Variants in MAP7 observed in about 807,000 individuals in gnomAD.
The protein encoded by MAP7 is ensconsin.
Under a neutral mutation model 94.8 loss-of-function variants are expected in MAP7, and 52 were observed. The ratio of observed to expected loss-of-function variants is 0.55; its 90% CI spans 0.44 to 0.69. The LOEUF (loss-of-function observed/expected upper bound fraction) is 0.69. MAP7 is among the 30% of genes least tolerant of loss of function. The probability of loss-of-function intolerance (pLI) is 0.00; values close to 1 mark genes in which losing one functional copy is unlikely to be tolerated. For synonymous variants in MAP7, 350 were observed against 357.0 expected (o/e 0.98, Z 0.22); for missense variants, 940 against 964.6 (o/e 0.97, Z 0.34).
At chr6:136,461,313 A>G (rs1250869051) in intron 1 of MAP7, among the ~76,000 whole-genome samples, 1 of 152,202 alleles carries the variant, frequency 6.6e-6, no homozygotes, top group Admixed American at 6.5e-5. Context: ...CTGAAACATT[A>G]TTACTGAATA....
chr6:136,443,197 T>G (rs931005811), intron 1 of MAP7, among the ~76,000 whole-genome samples: 1 of 152,172 alleles, frequency 6.6e-6, no homozygotes, highest in African/African-American at 2.4e-5. Context: ...AACTGTAATA[T>G]GATAAGAAAA....
intron 1 of MAP7, among the ~76,000 whole-genome samples, chr6:136,541,382 T>A (rs1337472226): frequency 6.6e-6 from 1 of 152,228 alleles, no homozygotes; most frequent in Non-Finnish European, 1.5e-5. Flanking sequence ...ACTCAGAGGT[T>A]ATGCCATAGT....
At chr6:136,442,401 T>A (rs1446530147) in intron 1 of MAP7, among the ~76,000 whole-genome samples, 2 of 66,128 alleles carry the variant, frequency 3.0e-5, no homozygotes, top group African/African-American at 9.5e-5. Context: ...TAAGACTCTG[T>A]CTCCAAAAAA....
At chr6:136,470,278 G>A (rs1421945483) in intron 1 of MAP7, among the ~76,000 whole-genome samples, 1 of 151,930 alleles carries the variant, frequency 6.6e-6, no homozygotes, top group Non-Finnish European at 1.5e-5. Context: ...AGAATTCCAT[G>A]AGGTTATGAA....
intron 1 of MAP7, among the ~76,000 whole-genome samples, chr6:136,509,040 A>G (rs987605212): frequency 2.0e-5 from 3 of 152,224 alleles, no homozygotes; most frequent in Non-Finnish European, 4.4e-5. Context: ...AAAGATATAG[A>G]CCAGTAATTA....
intron 1 of MAP7, among the ~76,000 whole-genome samples, chr6:136,522,526 C>G (rs1826687570): frequency 6.6e-6 from 1 of 152,082 alleles, no homozygotes; most frequent in African/African-American, 2.4e-5. Flanking sequence ...TAATCCTGAA[C>G]AGAAACATTC....
In MAP7 at chr6:136,513,714, A is replaced by G. The variant is rs115496252; in HGVS notation, c.67+36628T>C. ...TGGCAGAGCACCTCAATGTGTACTC[A>G]GAAGTGGCCAACCCAGAGATCCATT... On this transcript the variant is annotated intron_variant, in intron 1 of 17. Transcript: ENST00000354570. Among the ~76,000 whole-genome samples the G allele has an allele frequency of 6.1e-3, 932 of 152,288 alleles. 7 individuals carry two copies. The highest frequency in any genetic ancestry group is 0.022 in the African/African-American group (897 of 41,546).
intron 1 of MAP7, among the ~76,000 whole-genome samples, chr6:136,489,518 T>C (rs1276160467): frequency 6.8e-6 from 1 of 147,290 alleles, no homozygotes. Flanking sequence ...CTCTGTAACA[T>C]CAGGTTTCTT....
chr6:136,468,282 G>A (rs970756578), intron 1 of MAP7, among the ~76,000 whole-genome samples: 1 of 151,936 alleles, frequency 6.6e-6, no homozygotes, highest in African/African-American at 2.4e-5. Flanking sequence ...GAAATTTATT[G>A]ATCATCTATT....
In MAP7 at chr6:136,343,710, T is replaced by C. The variant is rs1377630706; in HGVS notation, c.*518A>G. 1 of 152,222 alleles carries C rather than the reference T, an allele frequency of 6.6e-6. No individual in the cohort carries two copies. The highest frequency in any genetic ancestry group is 1.5e-5 in the Non-Finnish European group (1 of 68,042). 9.4% of individuals were successfully genotyped at this position (152,222 alleles called of 1,614,324 possible). On this transcript the variant is annotated 3_prime_UTR_variant, in exon 18 of 18. Transcript: ENST00000354570. ...TGTACAAGCTGTATTTATAAGAACC[T>C]GGTAATCTGCCTATAATTTGCTTCT...
At chr6:136,459,916 A>G (rs1458354463) in intron 1 of MAP7, among the ~76,000 whole-genome samples, 1 of 152,202 alleles carries the variant, frequency 6.6e-6, no homozygotes, top group African/African-American at 2.4e-5. Flanking sequence ...ACCACAATGA[A>G]CAAAACAGAG....
At chr6:136,364,259 T>A in intron 10 of MAP7, 1 of 541,196 alleles carries the variant, frequency 1.8e-6, no homozygotes, top group South Asian at 1.4e-5. Flanking sequence ...ATGTTGAACC[T>A]TTTTGGACTG....
intron 2 of MAP7, among the ~76,000 whole-genome samples, chr6:136,411,974 T>C (rs189835927): frequency 4.5e-4 from 68 of 152,320 alleles, no homozygotes; most frequent in Non-Finnish European, 8.4e-4. Flanking sequence ...TAAATGATGT[T>C]TTGTGTTCCT....
chr6:136,361,268 T>A, intron 11 of MAP7, 89 bp from the exon 12 acceptor site: 1 of 1,374,076 alleles, frequency 7.3e-7, no homozygotes, highest in South Asian at 1.2e-5. Context: ...TGTAGGGCGG[T>A]TCCTTTAGGC....
At chr6:136,380,833 CCCTTGGCTTT>C (rs1777535502) in intron 6 of MAP7, among the ~76,000 whole-genome samples, 1 of 152,198 alleles carries the variant, frequency 6.6e-6, no homozygotes, top group Non-Finnish European at 1.5e-5. Flanking sequence ...TGACTGGCTT[CCCTTGGCTTT>C]GGAGGGCCCG....
intron 1 of MAP7, among the ~76,000 whole-genome samples, chr6:136,430,024 G>A (rs1380006992): frequency 6.6e-6 from 1 of 152,150 alleles, no homozygotes; most frequent in Admixed American, 6.5e-5. Context: ...GGAGGGCAAA[G>A]TCTAACCATA....
intron 2 of MAP7, chr6:136,420,222 A>G: frequency 1.9e-6 from 2 of 1,051,988 alleles, no homozygotes; most frequent in East Asian, 2.3e-5. Flanking sequence ...TTTCAGAGCC[A>G]GGAACATAGA....
At chr6:136,394,968 A>ATATATATATC (rs1477760854) in intron 3 of MAP7, among the ~76,000 whole-genome samples, 79 of 130,574 alleles carry the variant, frequency 6.1e-4, no homozygotes, top group African/African-American at 2.1e-3. Flanking sequence ...ATATATATAT[A>ATATATATATC]TATCACATTT....
intron 7 of MAP7, among the ~76,000 whole-genome samples, chr6:136,375,871 C>A (rs1354412457): frequency 6.6e-6 from 1 of 151,918 alleles, no homozygotes; most frequent in East Asian, 1.9e-4. Flanking sequence ...TTGAGCATAA[C>A]AACAAAGAAG....
Sources: allele counts gnomAD v4.1 joint callset (sites outside exome capture counted in the v4.1 genomes callset), GRCh38; gene constraint gnomAD v4.1.1; transcripts MANE v1.5; gene names NCBI Gene and HGNC (gene_info 2026-07-23, HGNC 2026-07-21).